The following SCFD2 variants were observed in gnomAD, a reference collection of about 807,000 sequenced individuals.
SCFD2 encodes the protein sec1 family domain-containing protein 2.
In SCFD2, 54 loss-of-function variants were observed where a neutral mutation model predicts 58.9. The ratio of observed to expected loss-of-function variants is 0.92; its 90% CI spans 0.74 to 1.15. SCFD2 has a LOEUF of 1.15. SCFD2 is among the 50% of genes most tolerant of loss of function. SCFD2 has a pLI of 0.00. For synonymous variants in SCFD2, 321 were observed against 335.9 expected (o/e 0.96, Z 0.49); for missense variants, 805 against 836.6 (o/e 0.96, Z 0.47).
chr4:53,340,720 C>T (rs952628211), intron 2 of SCFD2, among the ~76,000 whole-genome samples: 2 of 152,142 alleles, frequency 1.3e-5, no homozygotes, highest in East Asian at 1.9e-4. Context: ...CAATAGGGGG[C>T]GACGGACACC....
chr4:53,085,558 A>G (rs1436411001), intron 5 of SCFD2, among the ~76,000 whole-genome samples: 2 of 152,214 alleles, frequency 1.3e-5, no homozygotes, highest in Non-Finnish European at 2.9e-5. Context: ...TGAAACCACA[A>G]AAGACCAAGA....
At chr4:53,083,159 G>GA (rs772837491) in intron 5 of SCFD2, among the ~76,000 whole-genome samples, 11 of 152,078 alleles carry the variant, frequency 7.2e-5, no homozygotes, top group Non-Finnish European at 1.2e-4. Context: ...GTGCATGCTA[G>GA]AAAAAAGGTA....
intron 5 of SCFD2, among the ~76,000 whole-genome samples, chr4:53,063,999 CTTTCTTTCCTTCCTTT>C (rs1267980685): frequency 2.0e-5 from 3 of 152,184 alleles, no homozygotes; most frequent in South Asian, 2.1e-4. Flanking sequence ...TCCCTTCCTT[CTTTCTTTCCTTCCTTT>C]TTATATAAAA....
At chr4:53,173,442 C>T (rs1727237628) in intron 4 of SCFD2, among the ~76,000 whole-genome samples, 1 of 151,948 alleles carries the variant, frequency 6.6e-6, no homozygotes, top group African/African-American at 2.4e-5. Context: ...TATCTTTTTC[C>T]ATCCCTTCAC....
intron 2 of SCFD2, among the ~76,000 whole-genome samples, chr4:53,349,982 ACTTC>A (rs1734166539): frequency 1.3e-5 from 2 of 152,152 alleles, no homozygotes; most frequent in South Asian, 2.1e-4. Flanking sequence ...ATGTTATTTA[ACTTC>A]CTTCGTCTTC....
intron 6 of SCFD2, among the ~76,000 whole-genome samples, chr4:52,914,571 G>A (rs1719559738): frequency 6.6e-6 from 1 of 152,110 alleles, no homozygotes; most frequent in Non-Finnish European, 1.5e-5. Context: ...CTACTTTCCT[G>A]TCTCGGGCAC....
At chr4:52,912,032 A>G (rs141312444) in intron 6 of SCFD2, among the ~76,000 whole-genome samples, 114 of 152,124 alleles carry the variant, frequency 7.5e-4, no homozygotes, top group African/African-American at 2.6e-3. Flanking sequence ...GATTTAATAA[A>G]TTACCTTTCT....
chr4:53,275,368 G>A (rs1577922322), intron 3 of SCFD2, among the ~76,000 whole-genome samples: 1 of 152,160 alleles, frequency 6.6e-6, no homozygotes, highest in East Asian at 1.9e-4. Flanking sequence ...GTGGGAATAA[G>A]TAGGAGGGTG....
At chr4:53,060,495 G>A (rs1406861180) in intron 5 of SCFD2, among the ~76,000 whole-genome samples, 2 of 152,096 alleles carry the variant, frequency 1.3e-5, no homozygotes, top group African/African-American at 2.4e-5. Flanking sequence ...GTGTGGTCTG[G>A]CTGTCCACGA....
At chr4:53,005,603 A>C (rs1199003051) in intron 5 of SCFD2, among the ~76,000 whole-genome samples, 1 of 152,208 alleles carries the variant, frequency 6.6e-6, no homozygotes, top group Non-Finnish European at 1.5e-5. Context: ...GTTTTGGGAA[A>C]GATGATTCAT....
At chr4:53,301,938 G>GTAA (rs1732319188) in intron 3 of SCFD2, among the ~76,000 whole-genome samples, 1 of 152,182 alleles carries the variant, frequency 6.6e-6, no homozygotes, top group African/African-American at 2.4e-5. Flanking sequence ...ATTAGGTATT[G>GTAA]ATGGGACGTA....
chr4:53,020,965 C>T (rs988379463), intron 5 of SCFD2, among the ~76,000 whole-genome samples: 1 of 152,194 alleles, frequency 6.6e-6, no homozygotes, highest in African/African-American at 2.4e-5. Context: ...TCCAGAATTG[C>T]TCCTGTGGCC....
At chr4:53,319,191 A>G (rs1385182004) in intron 2 of SCFD2, among the ~76,000 whole-genome samples, 1 of 152,220 alleles carries the variant, frequency 6.6e-6, no homozygotes, top group African/African-American at 2.4e-5. Flanking sequence ...GTGAAGAGTA[A>G]AGTAGATCCA....
chr4:52,944,003 TACAA>T (rs1023909657), intron 5 of SCFD2, among the ~76,000 whole-genome samples: 4 of 152,118 alleles, frequency 2.6e-5, no homozygotes, highest in African/African-American at 9.7e-5. Context: ...ATGTTAAAAG[TACAA>T]ACAATTATTT....
intron 5 of SCFD2, among the ~76,000 whole-genome samples, chr4:53,024,199 C>A (rs2148815064): frequency 6.6e-6 from 1 of 152,262 alleles, no homozygotes; most frequent in East Asian, 1.9e-4. Context: ...CTTGAAGATT[C>A]ACTTACCTCC....
intron 4 of SCFD2, among the ~76,000 whole-genome samples, chr4:53,270,705 A>G (rs954100182): frequency 6.6e-6 from 1 of 152,246 alleles, no homozygotes; most frequent in African/African-American, 2.4e-5. Flanking sequence ...ATATTCCTAC[A>G]TGCCAACAAT....
At chr4:53,243,007 C>A (rs1319994595) in intron 4 of SCFD2, among the ~76,000 whole-genome samples, 1 of 152,148 alleles carries the variant, frequency 6.6e-6, no homozygotes, top group Admixed American at 6.5e-5. Context: ...ATCTATGACT[C>A]ATTAGTGTTA....
chr4:53,264,243 A>G (rs569897723), intron 4 of SCFD2, among the ~76,000 whole-genome samples: 2 of 152,272 alleles, frequency 1.3e-5, no homozygotes, highest in South Asian at 2.1e-4. Context: ...TGAGAAAGCA[A>G]GCAGACTCAG....
chr4:52,950,876 A>G (rs1341647180), intron 5 of SCFD2: 1 of 152,094 alleles, frequency 6.6e-6, no homozygotes, highest in East Asian at 1.9e-4. Flanking sequence ...GGGAACAGAT[A>G]CCAGCTCCTT....
Sources: allele counts gnomAD v4.1 joint callset (sites outside exome capture counted in the v4.1 genomes callset), GRCh38; gene constraint gnomAD v4.1.1; transcripts MANE v1.5; gene names NCBI Gene and HGNC (gene_info 2026-07-23, HGNC 2026-07-21).